The following MYO16 variants were observed in gnomAD, a reference collection of about 807,000 sequenced individuals.
MYO16 encodes the protein myosin XVI.
In MYO16, 94 loss-of-function variants were observed where a neutral mutation model predicts 205.3. The ratio of observed to expected loss-of-function variants is 0.46; its 90% CI spans 0.39 to 0.54. The LOEUF (loss-of-function observed/expected upper bound fraction) is 0.54. Ranked by LOEUF, MYO16 falls within the 20% of genes least tolerant of loss-of-function variation. The pLI is 0.00. For missense variants in MYO16, 2,315 were observed against 2,387.5 expected (o/e 0.97, Z 0.63); for synonymous variants, 988 against 954.0 (o/e 1.04, Z -0.66).
the MYO16 span, among the ~76,000 whole-genome samples, chr13:108,538,405 T>G: frequency 0.073 from 11,089 of 152,120 alleles, 492 homozygotes; most frequent in Admixed American, 0.12. Context: ...CTTTAGAAAT[T>G]AATGGATTAT....
In MYO16 at chr13:108,964,765, T is replaced by A; in HGVS notation, c.2232T>A (p.Asp744Glu). 1 of 1,614,032 alleles carries A rather than the reference T, an allele frequency of 6.2e-7. No individual in the cohort carries two copies. Among genetic ancestry groups the A allele is most frequent in the Admixed American group, 1.7e-5 (1 of 60,008 alleles). The change falls in exon 20 of 35, where the codon GAT becomes GAA. Residue 744 changes from aspartate to glutamate, a missense_variant. Transcript: ENST00000457511. ...LTTDIQYFKG[D>E]MIIRRHTIQI... is the part of the protein sequence containing the mutation. ...CTTTTCTTTCTACCATTTTAGGGGATATGATAATACGACGACATACCATAC... is the reference window on the plus strand; with the variant it reads ...CTTTTCTTTCTACCATTTTAGGGGAAATGATAATACGACGACATACCATAC...
At chr13:108,637,068 C>T (rs560856495) in intron 1 of MYO16, among the ~76,000 whole-genome samples, 1 of 152,316 alleles carries the variant, frequency 6.6e-6, no homozygotes, top group African/African-American at 2.4e-5. Flanking sequence ...ATGCCTCCCT[C>T]TCTATATATG....
chr13:108,818,025 T>C (rs1201322847), intron 7 of MYO16, among the ~76,000 whole-genome samples: 1 of 152,188 alleles, frequency 6.6e-6, no homozygotes, highest in East Asian at 1.9e-4. Flanking sequence ...ATAGCAACCT[T>C]AAATGTCTAT....
rs534790011 is a variant in MYO16 at position 109,107,957 on chromosome 13, T to C, written c.3438+7070T>C. ...TTTGTTATAAAAGTAGTATGTATCC[T>C]TGATAGGAAATTTGAAAAAGAAAAA... On this transcript the variant is annotated intron_variant, in intron 28 of 34. Transcript: ENST00000457511. Among the ~76,000 whole-genome samples the C allele has an allele frequency of 2.7e-3, 407 of 152,028 alleles. 2 individuals carry two copies. The highest frequency in any genetic ancestry group is 9.6e-3 in the African/African-American group (399 of 41,492).
the MYO16 span, among the ~76,000 whole-genome samples, chr13:108,497,869 G>A: frequency 1.3e-5 from 2 of 152,122 alleles, no homozygotes; most frequent in African/African-American, 4.8e-5. Context: ...CTGAATACAA[G>A]TTGGCTGCAG....
At chr13:109,098,775 A>G (rs141773720) in intron 27 of MYO16, among the ~76,000 whole-genome samples, 33 of 152,278 alleles carry the variant, frequency 2.2e-4, no homozygotes, top group East Asian at 1.2e-3. Flanking sequence ...TCTTGGTCCA[A>G]CCACTGAGCT....
At chr13:109,064,009 A>G (rs1259050960) in intron 27 of MYO16, among the ~76,000 whole-genome samples, 7 of 152,168 alleles carry the variant, frequency 4.6e-5, no homozygotes, top group Admixed American at 3.9e-4. Flanking sequence ...TCATATGCCT[A>G]TTAGATCATG....
intron 4 of MYO16, among the ~76,000 whole-genome samples, chr13:108,747,902 C>A (rs9514894): frequency 0.45 from 68,161 of 151,634 alleles, 15,441 homozygotes; most frequent in East Asian, 0.55. Flanking sequence ...ATAGTCAAAC[C>A]CACTATTATA....
At chr13:108,787,203 G>T (rs917340126) in intron 5 of MYO16, among the ~76,000 whole-genome samples, 1 of 152,082 alleles carries the variant, frequency 6.6e-6, no homozygotes, top group Non-Finnish European at 1.5e-5. Context: ...GAAGGTGATG[G>T]ATATATTTAT....
In MYO16 at chr13:109,125,184, T is replaced by C; in HGVS notation, c.3608T>C (p.Ile1203Thr). ...ATCAGACAACAAGAGGTGACTTCTA[T>C]CAATAGCTTTCTGCAGAACACAGAG... Reference protein sequence around the residue: ...ISIRQQEVTSINSFLQNTEDM... With the variant: ...ISIRQQEVTSTNSFLQNTEDM... The change falls in exon 30 of 35, where the codon ATC becomes ACC. Residue 1203 changes from isoleucine to threonine, a missense_variant. Coordinates refer to ENST00000457511, the MANE Select transcript of MYO16 (RefSeq NM_001198950.3). This position sits in a 1 kb window ranked among gnomAD's most constrained non-coding sequence, Gnocchi z 4.0. 6.2e-7 allele frequency: 1 copy of C among 1,614,122 alleles called. No homozygotes were observed. The highest frequency in any genetic ancestry group is 8.5e-7 in the Non-Finnish European group (1 of 1,180,022).
At chr13:108,830,664 G>GCC (rs1876562023) in intron 9 of MYO16, among the ~76,000 whole-genome samples, 1 of 150,054 alleles carries the variant, frequency 6.7e-6, no homozygotes, top group Non-Finnish European at 1.5e-5. Context: ...AATGCTAGAT[G>GCC]ACGAGTTAGT....
chr13:108,923,197 C>T (rs1422177031), intron 16 of MYO16, among the ~76,000 whole-genome samples: 2 of 152,234 alleles, frequency 1.3e-5, no homozygotes, highest in Non-Finnish European at 2.9e-5. Flanking sequence ...CCCTGAAGAC[C>T]TGGGGGCTGC....
chr13:109,146,482 T>C (rs1877335796), intron 32 of MYO16, among the ~76,000 whole-genome samples: 1 of 152,142 alleles, frequency 6.6e-6, no homozygotes, highest in African/African-American at 2.4e-5. Flanking sequence ...CATTTTTAAG[T>C]GCATCCCAAT....
At chr13:109,172,254 A>C (rs1047292135) in intron 33 of MYO16, among the ~76,000 whole-genome samples, 1 of 152,228 alleles carries the variant, frequency 6.6e-6, no homozygotes, top group African/African-American at 2.4e-5. Context: ...AAAGCCTAAC[A>C]GCCAGAGAAA....
chr13:108,615,715 T>C (rs1013995101), intron 1 of MYO16, among the ~76,000 whole-genome samples: 3 of 152,168 alleles, frequency 2.0e-5, no homozygotes, highest in Non-Finnish European at 4.4e-5. Context: ...ACATATGGTA[T>C]AACCTCATTT....
intron 32 of MYO16, among the ~76,000 whole-genome samples, chr13:109,150,246 C>T (rs1877579415): frequency 6.6e-6 from 1 of 152,158 alleles, no homozygotes; most frequent in Non-Finnish European, 1.5e-5. Context: ...ATTCCTTTCT[C>T]AATTATGTGT....
chr13:108,636,349 TTTTTTTTTTTTTTTTTTTTTTGTG>T (rs1880229230), intron 1 of MYO16, among the ~76,000 whole-genome samples: 1 of 21,750 alleles, frequency 4.6e-5, no homozygotes, highest in South Asian at 3.8e-3. Context: ...TATTTCCCTT[TTTTTTTTTTTTTTTTTTTTTTGTG>T]TGTGTGTGTG....
chr13:108,731,459 T>C (rs1417686404), intron 4 of MYO16, among the ~76,000 whole-genome samples: 2 of 152,232 alleles, frequency 1.3e-5, no homozygotes, highest in Non-Finnish European at 2.9e-5. Context: ...ACACTTGTAT[T>C]ACAAGTGCTT....
At chr13:108,766,596 C>T (rs577414512) in intron 4 of MYO16, among the ~76,000 whole-genome samples, 1 of 152,264 alleles carries the variant, frequency 6.6e-6, no homozygotes, top group East Asian at 1.9e-4. Flanking sequence ...CCTGCATCAA[C>T]AACAGTAAAG....
Sources: gnomAD v4.1 joint callset for allele counts (sites outside exome capture counted in the v4.1 genomes callset) on GRCh38, gnomAD v4.1.1 for gene constraint, Gnocchi (gnomAD v3.1) non-coding constraint, MANE v1.5 for transcripts, NCBI Gene and HGNC (gene_info 2026-07-23, HGNC 2026-07-21) for gene names.